UBE2S: variants seen among roughly 807,000 people sequenced by gnomAD.
UBE2S encodes ubiquitin conjugating enzyme E2 S, also known as ubiquitin-conjugating enzyme E2 S.
In UBE2S, 3 loss-of-function variants were observed where a neutral mutation model predicts 12.3. The observed-to-expected ratio is 0.24, with a 90% CI of 0.11 to 0.63. The LOEUF is 0.63. Ranked by LOEUF, UBE2S falls within the 30% of genes least tolerant of loss-of-function variation. The pLI, the probability that UBE2S is intolerant of heterozygous loss-of-function variation, is 0.85. For synonymous variants in UBE2S, 133 were observed against 142.0 expected (o/e 0.94, Z 0.45); for missense variants, 211 against 313.9 (o/e 0.67, Z 2.48).
At position 55,404,331 on chromosome 19, in the gene UBE2S, T is replaced by C. The variant is rs774217206; in HGVS notation, c.299A>G (p.Lys100Arg). Reference sequence around the variant, plus strand: ...GCCCAGCTCAGCCGTCCAGTCCCTCTTGAGCACGTTGACGCAGATCTCGCC... The same window carrying C: ...GCCCAGCTCAGCCGTCCAGTCCCTCCTGAGCACGTTGACGCAGATCTCGCC... ...ANGEICVNVL[K>R]RDWTAELGIR... Residue 100 changes from lysine (K) to arginine (R), a missense_variant, in exon 3 of 4, where the codon AAG (lysine) becomes AGG (arginine). Lys to Arg is a conservative substitution (Grantham distance 26, BLOSUM62 2). Around this residue, in one of 2 missense-constraint regions of UBE2S, gnomAD observed 127 missense variants for 224.0 expected, o/e 0.57. Transcript: ENST00000264552. This position sits in a 1 kb window ranked among gnomAD's most constrained non-coding sequence, Gnocchi z 4.4. 3.1e-6 allele frequency: 5 copies of C among 1,613,722 alleles called. No homozygotes were observed. In the South Asian group the frequency reaches 5.5e-5, roughly 18 times the overall value.
At chr19:55,405,982 C>T (rs555044973) in intron 2 of UBE2S, among the ~76,000 whole-genome samples, 6 of 152,314 alleles carry the variant, frequency 3.9e-5, no homozygotes, top group Admixed American at 2.6e-4. Context: ...TCAATAGGAA[C>T]TTTGGAGGGA....
In UBE2S at chr19:55,401,290, C is replaced by G. The variant is rs1041748378; in HGVS notation, c.*146G>C. 79 of 912,176 alleles carry G rather than the reference C, an allele frequency of 8.7e-5. No individual in the cohort carries two copies. The highest frequency in any genetic ancestry group is 2.5e-4 in the Admixed American group (9 of 35,510). 56.5% of individuals were successfully genotyped at this position (912,176 alleles called of 1,614,324 possible). ...TCTGTGAGACACAGAAGCTGCTTTT[C>G]CAACTTTATTTAGAAAAACAAATCC... On this transcript the variant is annotated 3_prime_UTR_variant, in exon 4 of 4. Coordinates refer to ENST00000264552, the MANE Select transcript of UBE2S (RefSeq NM_014501.3).
chr19:55,401,798 C>A, intron 3 of UBE2S, 36 bp from the exon 4 acceptor site: 1 of 1,610,250 alleles, frequency 6.2e-7, no homozygotes, highest in Middle Eastern at 1.7e-4. Context: ...GTGGGTCGGG[C>A]AACCTACAGG....
At chr19:55,405,604 C>A (rs1021687259) in intron 2 of UBE2S, among the ~76,000 whole-genome samples, 3 of 152,150 alleles carry the variant, frequency 2.0e-5, no homozygotes, top group Non-Finnish European at 4.4e-5. Context: ...TTGCAGCCCC[C>A]ACCTGTGTCA....
At chr19:55,405,211 CAA>C (rs71181761) in intron 2 of UBE2S, among the ~76,000 whole-genome samples, 5 of 95,172 alleles carry the variant, frequency 5.3e-5, no homozygotes, top group South Asian at 3.7e-4. Flanking sequence ...ACTCTGTTTC[CAA>C]AAAAAAAAAA....
intron 2 of UBE2S, among the ~76,000 whole-genome samples, chr19:55,405,581 G>A (rs2090091801): frequency 6.6e-6 from 1 of 151,596 alleles, no homozygotes; most frequent in Admixed American, 6.6e-5. Context: ...AAACCTCAGA[G>A]ATGATGCCCA....
chr19:55,403,718 C>T (rs2090077931), intron 3 of UBE2S, among the ~76,000 whole-genome samples: 1 of 149,510 alleles, frequency 6.7e-6, no homozygotes, highest in African/African-American at 2.5e-5. Flanking sequence ...AATGAGACCC[C>T]ATTCCTGTTT....
rs371023285 is a variant in UBE2S at position 55,400,981 on chromosome 19, C to T, written c.*455G>A. ...AGCAGGAACACCACTGCCACACCAACGTGGCCATTATTCTAGAGGGAGAAG... is the reference window on the plus strand; with the variant it reads ...AGCAGGAACACCACTGCCACACCAATGTGGCCATTATTCTAGAGGGAGAAG... On this transcript the variant is annotated 3_prime_UTR_variant, in exon 4 of 4. Coordinates refer to ENST00000264552, the MANE Select transcript of UBE2S (RefSeq NM_014501.3). 1.5e-4 allele frequency: 24 copies of T among 165,212 alleles called. No homozygotes were observed. Among genetic ancestry groups the T allele is most frequent in the South Asian group, 3.1e-4 (2 of 6,450 alleles). 10.2% of individuals were successfully genotyped at this position (165,212 alleles called of 1,614,324 possible). A position where few individuals can be genotyped will look rare whatever the true frequency, so the allele number is the denominator to read the frequency against.
intron 2 of UBE2S, among the ~76,000 whole-genome samples, chr19:55,405,392 C>T (rs1039744827): frequency 1.3e-5 from 2 of 152,048 alleles, no homozygotes; most frequent in Non-Finnish European, 2.9e-5. Flanking sequence ...GTCTGTAATC[C>T]CAGCTACTTG....
intron 3 of UBE2S, chr19:55,403,126 T>G (rs764464739): frequency 1.2e-4 from 95 of 802,892 alleles, no homozygotes; most frequent in Non-Finnish European, 1.7e-4. Context: ...CACCCCCGAG[T>G]TGTGACAACC....
chr19:55,401,819 C>T (rs1169365206), intron 3 of UBE2S, 57 bp from the exon 4 acceptor site: 2 of 1,592,354 alleles, frequency 1.3e-6, no homozygotes, highest in South Asian at 1.1e-5. Context: ...GACCCCCAGG[C>T]CTCCACAAGA....
Position 55,401,556 on chromosome 19 carries a change from C to G in UBE2S, c.549G>C (p.Gly183=), listed in dbSNP as rs754400170. 1 of 1,610,456 alleles carries G rather than the reference C, an allele frequency of 6.2e-7. No individual in the cohort carries two copies. Among genetic ancestry groups the G allele is most frequent in the South Asian group, 1.1e-5 (1 of 90,966 alleles). Residue 183 remains glycine (G), a synonymous_variant, in exon 4 of 4, where the codon GGG becomes GGC. Transcript: ENST00000264552. The part of the protein sequence containing the change: ...SGTEASSTDP[G]APGGPGGAEG... ...CAGCCCCTCCCGGGCCCCCTGGGGCCCCAGGGTCGGTGGAGGAAGCTTCAG... is the reference window on the plus strand; with the variant it reads ...CAGCCCCTCCCGGGCCCCCTGGGGCGCCAGGGTCGGTGGAGGAAGCTTCAG...
At chr19:55,401,899 C>T (rs1600318376) in intron 3 of UBE2S, 137 bp from the exon 4 acceptor site, 6 of 780,816 alleles carry the variant, frequency 7.7e-6, no homozygotes, top group African/African-American at 6.0e-5. Context: ...ACCTATGCTG[C>T]ATCCTCCCTC....
intron 1 of UBE2S, among the ~76,000 whole-genome samples, chr19:55,407,198 C>T (rs191434162): frequency 1.3e-5 from 2 of 149,954 alleles, no homozygotes; most frequent in East Asian, 2.0e-4. Context: ...CCCCAGAACC[C>T]CCCCCCCAAA....
rs201696148 is a variant in UBE2S at position 55,401,542 on chromosome 19, G to T, written c.563C>A (p.Pro188Gln). The change falls in exon 4 of 4, where the codon CCG becomes CAG. Residue 188 changes from proline (P) to glutamine (Q), a missense_variant. By Grantham distance (76) the Pro-to-Gln change is moderately conservative. This residue lies in a region of UBE2S where 84 missense variants were observed against 89.9 expected (regional missense o/e 0.93). Coordinates refer to ENST00000264552, the MANE Select transcript of UBE2S (RefSeq NM_014501.3). ...SSTDPGAPGG[P>Q]GGAEGPMAKK... Reference sequence around the variant, plus strand: ...GGCCATGGGACCCTCAGCCCCTCCCGGGCCCCCTGGGGCCCCAGGGTCGGT... The same window carrying T: ...GGCCATGGGACCCTCAGCCCCTCCCTGGCCCCCTGGGGCCCCAGGGTCGGT... 1.2e-6 allele frequency: 2 copies of T among 1,610,064 alleles called. No homozygotes were observed. Among genetic ancestry groups the T allele is most frequent in the Non-Finnish European group, 1.7e-6 (2 of 1,179,414 alleles).
chr19:55,403,148 C>G (rs942334797), intron 3 of UBE2S: 3 of 731,840 alleles, frequency 4.1e-6, no homozygotes, highest in African/African-American at 1.7e-5. Context: ...TTTCTGGTCT[C>G]CTGACAATGC....
intron 1 of UBE2S, 105 bp from the exon 2 acceptor site, chr19:55,407,067 C>G: frequency 1.4e-6 from 2 of 1,403,088 alleles, no homozygotes; most frequent in Admixed American, 4.2e-5. Flanking sequence ...TGGCCCCAGG[C>G]TGTCAATCAC....
In UBE2S at chr19:55,404,952, T is replaced by C. The variant is rs906688018; in HGVS notation, c.152-474A>G. On this transcript the variant is annotated intron_variant, in intron 2 of 3. Coordinates refer to ENST00000264552, the MANE Select transcript of UBE2S (RefSeq NM_014501.3). The surrounding 1 kb of genome is among the most constrained non-coding windows in gnomAD (Gnocchi z 4.4). ...GAGGCCAGGTGTGGTGGCTCACGCCTGTAATCCCAGCACTTTGGGAGGCTA... is the reference window on the plus strand; with the variant it reads ...GAGGCCAGGTGTGGTGGCTCACGCCCGTAATCCCAGCACTTTGGGAGGCTA... 6.6e-6 allele frequency among the ~76,000 whole-genome samples: 1 copy of C among 151,528 alleles called. No individual in the cohort carries two copies. Among genetic ancestry groups the C allele is most frequent in the Non-Finnish European group, 1.5e-5 (1 of 67,888 alleles).
chr19:55,407,393 C>CGCCGCCAGGGAGACTGCGG (rs1476543041), intron 1 of UBE2S, among the ~76,000 whole-genome samples, 194 bp downstream of exon 1: 3 of 152,136 alleles, frequency 2.0e-5, no homozygotes, highest in Non-Finnish European at 4.4e-5. Flanking sequence ...CCGGAGCCCT[C>CGCCGCCAGGGAGACTGCGG]GCCGCCAGGG....
Sources: allele counts gnomAD v4.1 joint callset (sites outside exome capture counted in the v4.1 genomes callset), GRCh38; gene constraint gnomAD v4.1.1; regional missense constraint gnomAD v4.1.1; non-coding constraint Gnocchi (gnomAD v3.1); transcripts MANE v1.5; gene names NCBI Gene and HGNC (gene_info 2026-07-23, HGNC 2026-07-21).